ADGRV1: variants seen among roughly 807,000 people sequenced by gnomAD.
ADGRV1 encodes adhesion G protein-coupled receptor V1, also known as G-protein coupled receptor 98.
A neutral mutation model predicts 596.2 loss-of-function variants in ADGRV1; 359 were observed. The ratio of observed to expected loss-of-function variants is 0.60; its 90% CI spans 0.55 to 0.66. The LOEUF (loss-of-function observed/expected upper bound fraction) is 0.66, where lower values mean the gene tolerates loss of function less well. Among genes scored for constraint, ADGRV1 ranks in the 30% least tolerant of loss-of-function variants. The pLI is 0.00. For missense variants in ADGRV1, 7,274 were observed against 7,575.6 expected (o/e 0.96, Z 1.48); for synonymous variants, 2,681 against 2,679.2 (o/e 1.00, Z -0.02).
chr5:90,889,596 TATTTTTTCCTC>T (rs1770617673), intron 83 of ADGRV1, among the ~76,000 whole-genome samples: 1 of 152,286 alleles, frequency 6.6e-6, no homozygotes, highest in Non-Finnish European at 1.5e-5. Flanking sequence ...TATGCAATTT[TATTTTTTCCTC>T]ATTTTTTCAC....
chr5:90,938,739 G>T (rs1308292676), intron 83 of ADGRV1, among the ~76,000 whole-genome samples: 1 of 152,164 alleles, frequency 6.6e-6, no homozygotes, highest in Non-Finnish European at 1.5e-5. Flanking sequence ...TAATAGCTTT[G>T]CTCAGAGAGG....
chr5:90,597,594 G>A (rs1286177771), intron 1 of ADGRV1, among the ~76,000 whole-genome samples: 3 of 152,150 alleles, frequency 2.0e-5, no homozygotes, highest in Admixed American at 1.3e-4. Flanking sequence ...TCAGAGGACA[G>A]GGTTAAATCT....
chr5:90,692,477 TC>T (rs1237544645), intron 31 of ADGRV1, 127 bp from the exon 32 acceptor site: 1 of 681,802 alleles, frequency 1.5e-6, no homozygotes, highest in Non-Finnish European at 2.4e-6. Context: ...GTTCTTTTAG[TC>T]CATTTATATT....
intron 89 of ADGRV1, among the ~76,000 whole-genome samples, chr5:91,161,622 A>G (rs910816213): frequency 1.3e-5 from 2 of 151,286 alleles, no homozygotes; most frequent in African/African-American, 4.9e-5. Context: ...TGTCACTGGC[A>G]ATATTCTGGT....
chr5:90,953,543 T>TTTTTG (rs1198135349), intron 83 of ADGRV1, among the ~76,000 whole-genome samples: 2 of 152,140 alleles, frequency 1.3e-5, no homozygotes, highest in Non-Finnish European at 1.5e-5. Flanking sequence ...GTTTGCGAGT[T>TTTTTG]TTTTGTTTTG....
At chr5:90,596,073 C>T (rs187484431) in intron 1 of ADGRV1, among the ~76,000 whole-genome samples, 17 of 143,624 alleles carry the variant, frequency 1.2e-4, no homozygotes, top group South Asian at 9.1e-4. Context: ...ACTTCTCAGA[C>T]GGGGCGGCCG....
chr5:90,595,917 G>A lies in ADGRV1; in HGVS notation c.23-18918G>A, dbSNP rs1315093372. Among the ~76,000 whole-genome samples, 106 of 131,140 alleles carry A rather than the reference G, an allele frequency of 8.1e-4. No individual in the cohort carries two copies. In the Middle Eastern group the frequency reaches 0.012, roughly 15 times the overall value. 86.0% of individuals were successfully genotyped at this position (131,140 alleles called of 152,430 possible). ...CCCCCCCACCTCCCTCCCGGATGGGGTGGCTGCCGGGCGGAGACGCTCCTC... is the reference window on the plus strand; with the variant it reads ...CCCCCCCACCTCCCTCCCGGATGGGATGGCTGCCGGGCGGAGACGCTCCTC... On this transcript the variant is annotated intron_variant, in intron 1 of 89. Coordinates refer to ENST00000405460, the MANE Select transcript of ADGRV1 (RefSeq NM_032119.4).
rs1184681231 is a variant in ADGRV1, at chr5:90,697,287, G to A, written c.8155+141G>A. ...GTGTTAATCTGCATAGAACTTCTTTGGGAGAAGGCTTTATAATGAACTGTT... is the reference window on the plus strand; with the variant it reads ...GTGTTAATCTGCATAGAACTTCTTTAGGAGAAGGCTTTATAATGAACTGTT... On this transcript the variant is annotated intron_variant, in intron 34 of 89. Coordinates refer to ENST00000405460, the MANE Select transcript of ADGRV1 (RefSeq NM_032119.4). The A allele has an allele frequency of 5.5e-6, 4 of 731,248 alleles. No individual in the cohort carries two copies. In the East Asian group the frequency reaches 1.1e-4, roughly 19 times the overall value. 45.3% of individuals were successfully genotyped at this position (731,248 alleles called of 1,614,324 possible).
intron 83 of ADGRV1, among the ~76,000 whole-genome samples, chr5:90,897,983 C>T (rs994344205): frequency 6.6e-5 from 10 of 152,160 alleles, no homozygotes; most frequent in African/African-American, 2.4e-4. Context: ...GAGTCTTTGC[C>T]TTTATCCAGT....
At chr5:90,801,069 T>C (rs1761319193) in intron 70 of ADGRV1, among the ~76,000 whole-genome samples, 1 of 152,048 alleles carries the variant, frequency 6.6e-6, no homozygotes, top group Non-Finnish European at 1.5e-5. Flanking sequence ...TAAAATATAA[T>C]AATAATAAAA....
At chr5:90,687,278 T>G (rs1561527900) in intron 29 of ADGRV1, among the ~76,000 whole-genome samples, 1 of 152,204 alleles carries the variant, frequency 6.6e-6, no homozygotes. Context: ...AGACATGAAG[T>G]CCTTGCCCAT....
At chr5:90,952,671 A>G (rs937144279) in intron 83 of ADGRV1, among the ~76,000 whole-genome samples, 3 of 152,112 alleles carry the variant, frequency 2.0e-5, no homozygotes, top group Non-Finnish European at 4.4e-5. Context: ...TGGGACTTGA[A>G]CTCAGGTGAG....
chr5:90,919,966 C>T (rs576597894), intron 83 of ADGRV1, among the ~76,000 whole-genome samples: 51 of 137,736 alleles, frequency 3.7e-4, no homozygotes, highest in African/African-American at 1.4e-3. Flanking sequence ...TGCACTCCAA[C>T]CTGGGCAACA....
chr5:90,736,069 CT>C (rs753506237), intron 50 of ADGRV1, among the ~76,000 whole-genome samples: 3 of 152,004 alleles, frequency 2.0e-5, no homozygotes, highest in Admixed American at 2.0e-4. Flanking sequence ...TGGAGAAAAC[CT>C]TTTTCAACTT....
At position 90,753,717 on chromosome 5, in the gene ADGRV1, T is replaced by C. The variant is rs1755521361; in HGVS notation, c.11265T>C (p.Thr3755=). 6.2e-7 allele frequency: 1 copy of C among 1,613,560 alleles called. No individual in the cohort carries two copies. The highest frequency in any genetic ancestry group is 1.7e-5 in the Admixed American group (1 of 59,940). Reference sequence around the variant, plus strand: ...TTGAGGACTCATACAAAGGTGCTACTATTGATCAGGACAGAAGCAAGTCTG... The same window carrying C: ...TTGAGGACTCATACAAAGGTGCTACCATTGATCAGGACAGAAGCAAGTCTG... The part of the protein sequence containing the change: ...EGVEDSYKGA[T]IDQDRSKSVI... Residue 3755 remains threonine (T), a synonymous_variant, in exon 54 of 90, where the codon ACT becomes ACC. Transcript: ENST00000405460.
Position 90,810,457 on chromosome 5 carries a change from A to T in ADGRV1, c.15197A>T (p.Gln5066Leu). ...GTTCAGAATGGGGAACTGTTTTTTC[A>T]AAAATTCCAAACTGAGGTTGATTTT... ...EPVQNGELFF[Q>L]KFQTEVDFEI... is the part of the protein sequence containing the mutation. The change falls in exon 74 of 90, where the codon CAA becomes CTA. Residue 5066 changes from glutamine (Q) to leucine (L), a missense_variant. Gln to Leu is a moderately radical substitution (Grantham distance 113). Coordinates refer to ENST00000405460, the MANE Select transcript of ADGRV1 (RefSeq NM_032119.4). The T allele has an allele frequency of 1.2e-6, 2 of 1,613,888 alleles. No individual in the cohort carries two copies. The highest frequency in any genetic ancestry group is 1.7e-6 in the Non-Finnish European group (2 of 1,179,818).
intron 61 of ADGRV1, among the ~76,000 whole-genome samples, chr5:90,777,688 C>T: frequency 6.6e-6 from 1 of 152,090 alleles, no homozygotes; most frequent in East Asian, 1.9e-4. Context: ...TGCTTGTATT[C>T]CTGTCAAGAT....
At chr5:90,780,630 G>T (rs1208014084) in intron 64 of ADGRV1, among the ~76,000 whole-genome samples, 1 of 152,072 alleles carries the variant, frequency 6.6e-6, no homozygotes, top group Non-Finnish European at 1.5e-5. Flanking sequence ...TAGAGGAATT[G>T]ATTATGATTG....
Position 90,657,909 on chromosome 5 carries a change from T to C in ADGRV1, c.4383T>C (p.Pro1461=). 1.2e-6 allele frequency: 2 copies of C among 1,605,788 alleles called. No homozygotes were observed. The highest frequency in any genetic ancestry group is 1.7e-6 in the Non-Finnish European group (2 of 1,174,066). ...TAAACTTGTCTCTAATTTCAGGTCC[T>C]GGGATACTGAGAATTGGAGCAGGGA... The part of the protein sequence containing the change: ...SLKGEAITDG[P]GILRIGAGIN... The change falls in exon 21 of 90, where the codon CCT becomes CCC. Residue 1461 remains proline (P), a synonymous_variant. Transcript: ENST00000405460.
Sources: allele counts gnomAD v4.1 joint callset (sites outside exome capture counted in the v4.1 genomes callset), GRCh38; gene constraint gnomAD v4.1.1; transcripts MANE v1.5; gene names NCBI Gene and HGNC (gene_info 2026-07-23, HGNC 2026-07-21).